PDGFB: variants seen among roughly 807,000 people sequenced by gnomAD.
PDGFB encodes the protein platelet derived growth factor subunit B.
A neutral mutation model predicts 29.0 loss-of-function variants in PDGFB; 6 were observed. That is an observed-to-expected ratio of 0.21 (90% CI 0.11 to 0.41). PDGFB has a LOEUF of 0.41. PDGFB is among the 10% of genes least tolerant of loss of function. The pLI, the probability that PDGFB is intolerant of heterozygous loss-of-function variation, is 1.00. For synonymous variants in PDGFB, 144 were observed against 140.8 expected, an observed-to-expected ratio of 1.02 and a Z score of -0.16; for missense variants, 299 against 341.8, an observed-to-expected ratio of 0.87 and a Z score of 0.99.
chr22:39,240,977 G>T, intron 1 of PDGFB: 1 of 1,303,240 alleles, frequency 7.7e-7, no homozygotes, highest in Non-Finnish European at 1.1e-6. Context: ...TCTTGCACCA[G>T]ATCCTCCAAA....
intron 1 of PDGFB, among the ~76,000 whole-genome samples, chr22:39,237,418 G>C (rs1932471690): frequency 6.6e-6 from 1 of 152,116 alleles, no homozygotes; most frequent in Non-Finnish European, 1.5e-5. Context: ...TGGGCAACTT[G>C]AGGAAAAAAA....
Position 39,242,531 on chromosome 22 carries a change from C to T in PDGFB, c.63+1370G>A, listed in dbSNP as rs1932591389. On this transcript the variant is annotated intron_variant, in intron 1 of 6. Coordinates refer to ENST00000331163, the MANE Select transcript of PDGFB (RefSeq NM_002608.4). The surrounding 1 kb of genome is among the most constrained non-coding windows in gnomAD (Gnocchi z 5.7). ...GGCCTGAAGGCGGCCCGGCCGAGCC[C>T]CGCGTCCTCCCTCCCGGGTGCGGGC... Among the ~76,000 whole-genome samples, 1 of 150,584 alleles carries T rather than the reference C, an allele frequency of 6.6e-6. No homozygotes were observed. Among genetic ancestry groups the T allele is most frequent in the East Asian group, 1.9e-4 (1 of 5,136 alleles).
Position 39,231,981 on chromosome 22 carries a change from G to T in PDGFB, c.251-154C>A, listed in dbSNP as rs1477854266. 1.3e-5 allele frequency among the ~76,000 whole-genome samples: 2 copies of T among 151,962 alleles called. No homozygotes were observed. The highest frequency in any genetic ancestry group is 2.9e-5 in the Non-Finnish European group (2 of 67,992). On this transcript the variant is annotated intron_variant, in intron 3 of 6. Transcript: ENST00000331163. This position sits in a 1 kb window ranked among gnomAD's most constrained non-coding sequence, Gnocchi z 4.3. The stretch of plus-strand genomic sequence containing the variant: ...AAGTCCTGGCTGTCATTAGCCATGG[G>T]ACTTGGGCAGATGGCTGAGCCACTC...
At chr22:39,232,199 G>T (rs1392765295) in intron 3 of PDGFB, among the ~76,000 whole-genome samples, 4 of 152,200 alleles carry the variant, frequency 2.6e-5, no homozygotes, top group Non-Finnish European at 5.9e-5. Flanking sequence ...CCCAACATGT[G>T]GTTTTTATGC....
chr22:39,239,928 G>C (rs888287026), intron 1 of PDGFB, among the ~76,000 whole-genome samples: 1 of 152,170 alleles, frequency 6.6e-6, no homozygotes, highest in Non-Finnish European at 1.5e-5. Flanking sequence ...AAGCAACCAG[G>C]GGCGTTGTCT....
At position 39,231,830 on chromosome 22, in the gene PDGFB, G is replaced by A. The variant is rs765041034; in HGVS notation, c.251-3C>T. ...CGGCTCAGCAATGGTCAGGGAACCT[G>A]GGAGGAGACGAAACCTGGGTCAGGA... On this transcript the variant is annotated splice_polypyrimidine_tract_variant and splice_region_variant and intron_variant, in intron 3 of 6. Transcript: ENST00000331163. This position sits in a 1 kb window ranked among gnomAD's most constrained non-coding sequence, Gnocchi z 4.3. The A allele has an allele frequency of 6.2e-7, 1 of 1,611,660 alleles. No homozygotes were observed. Among genetic ancestry groups the A allele is most frequent in the South Asian group, 1.1e-5 (1 of 90,880 alleles).
chr22:39,240,705 G>A (rs1932546694), intron 1 of PDGFB: 1 of 869,452 alleles, frequency 1.2e-6, no homozygotes, highest in African/African-American at 1.7e-5. Flanking sequence ...CTAAAAGTGG[G>A]GACCAGGAGG....
At chr22:39,236,445 CT>C (rs779717273) in intron 1 of PDGFB, among the ~76,000 whole-genome samples, 51 of 152,224 alleles carry the variant, frequency 3.4e-4, no homozygotes, top group Non-Finnish European at 6.3e-4. Flanking sequence ...CTAGCGGTAT[CT>C]ATGAAGTCTC....
At position 39,243,909 on chromosome 22, in the gene PDGFB, T is replaced by C. The variant is rs760830077; in HGVS notation, c.55A>G (p.Ser19Gly). 6.2e-7 allele frequency: 1 copy of C among 1,606,204 alleles called. No homozygotes were observed. Among genetic ancestry groups the C allele is most frequent in the Non-Finnish European group, 8.5e-7 (1 of 1,176,680 alleles). The stretch of plus-strand genomic sequence containing the variant: ...CCGCCGTGGCAACTCACCTCGGCGC[T>C]GACCAGACGCAGGTAGCAGCAGAGA... The part of the protein sequence containing the change: ...LSLCCYLRLV[S>G]AEGDPIPEEL... Residue 19 changes from serine (S) to glycine (G), a missense_variant, in exon 1 of 7, where the codon AGC (serine) becomes GGC (glycine). Coordinates refer to ENST00000331163, the MANE Select transcript of PDGFB (RefSeq NM_002608.4). The surrounding 1 kb of genome is among the most constrained non-coding windows in gnomAD (Gnocchi z 6.4).
intron 2 of PDGFB, 44 bp from the exon 3 acceptor site, chr22:39,233,568 G>T: frequency 1.4e-6 from 2 of 1,429,956 alleles, no homozygotes; most frequent in Non-Finnish European, 1.9e-6. Context: ...CCCCACCTTG[G>T]GCAGGGGCTC....
chr22:39,237,772 GT>G, intron 1 of PDGFB, among the ~76,000 whole-genome samples: 1 of 152,322 alleles, frequency 6.6e-6, no homozygotes, highest in South Asian at 2.1e-4. Flanking sequence ...ACCAACTGCC[GT>G]GTGACCTCGG....
At position 39,231,873 on chromosome 22, in the gene PDGFB, G is replaced by A; in HGVS notation, c.251-46C>T. 1 of 1,547,266 alleles carries A rather than the reference G, an allele frequency of 6.5e-7. No homozygotes were observed. Among genetic ancestry groups the A allele is most frequent in the Non-Finnish European group, 8.8e-7 (1 of 1,135,286 alleles). On this transcript the variant is annotated intron_variant, in intron 3 of 6. Transcript: ENST00000331163. The surrounding 1 kb of genome is among the most constrained non-coding windows in gnomAD (Gnocchi z 4.3). Reference sequence around the variant, plus strand: ...GGTCAGGAGCGTAGGCCTGTCCAGAGTCCCCCCACTTGGCAGGGGAGCTCA... The same window carrying A: ...GGTCAGGAGCGTAGGCCTGTCCAGAATCCCCCCACTTGGCAGGGGAGCTCA...
intron 3 of PDGFB, among the ~76,000 whole-genome samples, chr22:39,233,043 C>G (rs145777902): frequency 3.9e-5 from 6 of 152,218 alleles, no homozygotes; most frequent in African/African-American, 1.4e-4. Context: ...TCAGGGACCA[C>G]GCTGGGTTCA....
In PDGFB at chr22:39,231,276, C is replaced by T. The variant is rs954037184; in HGVS notation, c.456+346G>A. Among the ~76,000 whole-genome samples, 5 of 152,206 alleles carry T rather than the reference C, an allele frequency of 3.3e-5. No homozygotes were observed. The highest frequency in any genetic ancestry group is 2.1e-4 in the South Asian group (1 of 4,830). On this transcript the variant is annotated intron_variant, in intron 4 of 6. Transcript: ENST00000331163. The surrounding 1 kb of genome is among the most constrained non-coding windows in gnomAD (Gnocchi z 4.3). ...ATTCTGAGTGTCAGATAAATGTTTG[C>T]GGATACGGCTCTTCAAGGGACGTTT...
rs1282207036 is a variant in PDGFB, at chr22:39,223,612, CGGCACATCCTGCCAA to C, written c.*1715_*1729del. ...GTGAGAGGAACACGCCGCAAGCTGT[CGGCACATCCTGCCAA>C]GGCAGAAAGGTTAATTGTCACGCAC... On this transcript the variant is annotated 3_prime_UTR_variant, in exon 7 of 7. Transcript: ENST00000331163. 6.5e-6 allele frequency: 1 copy of C among 152,734 alleles called. No homozygotes were observed. Among genetic ancestry groups the C allele is most frequent in the Non-Finnish European group, 1.5e-5 (1 of 68,038 alleles). 9.5% of individuals were successfully genotyped at this position (152,734 alleles called of 1,614,324 possible). A position where few individuals can be genotyped will look rare whatever the true frequency, so the allele number is the denominator to read the frequency against.
intron 1 of PDGFB, among the ~76,000 whole-genome samples, chr22:39,239,528 G>A (rs940887624): frequency 5.9e-5 from 9 of 152,152 alleles, no homozygotes; most frequent in South Asian, 2.1e-4. Flanking sequence ...TGAGCCGCCC[G>A]GAGCCTGGTT....
Position 39,244,865 on chromosome 22 carries a change from TAGGGAATGAA to T in PDGFB, c.-912_-903del, listed in dbSNP as rs1335469351. 1.0e-5 allele frequency: 2 copies of T among 194,278 alleles called. No individual in the cohort carries two copies. Among genetic ancestry groups the T allele is most frequent in the Non-Finnish European group, 2.1e-5 (2 of 93,960 alleles). 12.0% of individuals were successfully genotyped at this position (194,278 alleles called of 1,614,324 possible). On this transcript the variant is annotated 5_prime_UTR_variant, in exon 1 of 7. Coordinates refer to ENST00000331163, the MANE Select transcript of PDGFB (RefSeq NM_002608.4). This position sits in a 1 kb window ranked among gnomAD's most constrained non-coding sequence, Gnocchi z 4.5. ...TGTGTGCGCGCAAAGTATCTCTATCTAGGGAATGAAAAATGGGCGCTGGCGGCCGGAGGGG... is the reference window on the plus strand; with the variant it reads ...TGTGTGCGCGCAAAGTATCTCTATCTAAATGGGCGCTGGCGGCCGGAGGGG...
In PDGFB at chr22:39,225,854, A is replaced by G. The variant is rs748639598; in HGVS notation, c.602-7T>C. ...CGAGTTTGGGGCGTTTTGGCTGCAC[A>G]AGAAAAAGAAAGACCTCGTCAGCAT... On this transcript the variant is annotated splice_polypyrimidine_tract_variant and splice_region_variant and intron_variant, in intron 5 of 6. Transcript: ENST00000331163. The G allele has an allele frequency of 3.7e-6, 6 of 1,608,828 alleles. No homozygotes were observed. Among genetic ancestry groups the G allele is most frequent in the South Asian group, 2.2e-5 (2 of 90,760 alleles).
At chr22:39,240,764 A>G in intron 1 of PDGFB, 3 of 1,445,504 alleles carry the variant, frequency 2.1e-6, no homozygotes, top group Admixed American at 1.7e-5. Flanking sequence ...CAGGTAATAA[A>G]CAATGAAATA....
Sources: allele counts gnomAD v4.1 joint callset (sites outside exome capture counted in the v4.1 genomes callset), GRCh38; gene constraint gnomAD v4.1.1; non-coding constraint Gnocchi (gnomAD v3.1); transcripts MANE v1.5; gene names NCBI Gene and HGNC (gene_info 2026-07-23, HGNC 2026-07-21).